The following SLC30A8 variants were observed in gnomAD, a reference collection of about 807,000 sequenced individuals.
SLC30A8 encodes the protein proton-coupled zinc antiporter SLC30A8.
SLC30A8 carries 27 observed loss-of-function variants against 36.9 expected under a neutral mutation model. That is an observed-to-expected ratio of 0.73 (90% CI 0.54 to 1.01). The LOEUF is 1.01. Ranked by LOEUF, SLC30A8 falls within the 50% of genes least tolerant of loss-of-function variation. The pLI, the probability that SLC30A8 is intolerant of heterozygous loss-of-function variation, is 0.00. For missense variants in SLC30A8, 439 were observed against 452.0 expected, an observed-to-expected ratio of 0.97 and a Z score of 0.26; for synonymous variants, 164 against 172.4, an observed-to-expected ratio of 0.95 and a Z score of 0.38.
intron 2 of SLC30A8, among the ~76,000 whole-genome samples, chr8:117,054,894 A>G (rs1416328174): frequency 1.3e-5 from 2 of 152,006 alleles, no homozygotes; most frequent in South Asian, 2.1e-4. Flanking sequence ...TTTAAACTTA[A>G]CTCTCTGATT....
At chr8:117,016,248 A>T (rs917552882) in intron 1 of SLC30A8, among the ~76,000 whole-genome samples, 1 of 152,240 alleles carries the variant, frequency 6.6e-6, no homozygotes, top group African/African-American at 2.4e-5. Context: ...TTGCGCACAG[A>T]AAATGCTCAG....
chr8:117,103,749 G>T (rs909735123), intron 2 of SLC30A8, among the ~76,000 whole-genome samples: 1 of 152,122 alleles, frequency 6.6e-6, no homozygotes, highest in African/African-American at 2.4e-5. Context: ...AATTATAAGT[G>T]TGAGCCACTG....
intron 1 of SLC30A8, among the ~76,000 whole-genome samples, chr8:116,963,980 G>A (rs956618921): frequency 7.2e-5 from 11 of 152,136 alleles, no homozygotes; most frequent in Non-Finnish European, 1.0e-4. Context: ...TTTGTGAAAC[G>A]TTAAAGGCCT....
intron 1 of SLC30A8, among the ~76,000 whole-genome samples, chr8:116,969,427 C>T (rs1814714172): frequency 6.6e-6 from 1 of 152,104 alleles, no homozygotes; most frequent in African/African-American, 2.4e-5. Context: ...CTGGTTTACC[C>T]ATCTGGAAAA....
At chr8:117,039,261 A>G (rs1192573906) in intron 2 of SLC30A8, 1 of 152,216 alleles carries the variant, frequency 6.6e-6, no homozygotes, top group Non-Finnish European at 1.5e-5. Flanking sequence ...GTACCTAGGT[A>G]TATCTATATT....
chr8:117,065,315 T>C (rs2130790877), intron 2 of SLC30A8, among the ~76,000 whole-genome samples: 1 of 152,286 alleles, frequency 6.6e-6, no homozygotes, highest in Admixed American at 6.5e-5. Flanking sequence ...ATAGAAAAAT[T>C]GGTGAAATGA....
chr8:116,979,854 G>A (rs1304140157), intron 1 of SLC30A8, among the ~76,000 whole-genome samples: 1 of 152,112 alleles, frequency 6.6e-6, no homozygotes, highest in Non-Finnish European at 1.5e-5. Flanking sequence ...CCAACAAATA[G>A]CATTCTCTTG....
At chr8:117,071,222 T>C (rs1333164410) in intron 2 of SLC30A8, among the ~76,000 whole-genome samples, 1 of 152,128 alleles carries the variant, frequency 6.6e-6, no homozygotes, top group Non-Finnish European at 1.5e-5. Flanking sequence ...TCCATTTTTT[T>C]GTTGTTGTTG....
chr8:117,064,689 C>T (rs554319876), intron 2 of SLC30A8, among the ~76,000 whole-genome samples: 107 of 152,246 alleles, frequency 7.0e-4, no homozygotes, highest in African/African-American at 2.5e-3. Flanking sequence ...GATCAGGGGA[C>T]CCAGAGGAGA....
At chr8:116,959,628 T>C (rs1814347447) in intron 1 of SLC30A8, among the ~76,000 whole-genome samples, 1 of 152,232 alleles carries the variant, frequency 6.6e-6, no homozygotes, top group East Asian at 1.9e-4. Flanking sequence ...CCTTTCAGTT[T>C]CTGCTTTTCA....
At chr8:117,046,603 T>C (rs767134926) in intron 2 of SLC30A8, among the ~76,000 whole-genome samples, 1 of 152,212 alleles carries the variant, frequency 6.6e-6, no homozygotes, top group Non-Finnish European at 1.5e-5. Flanking sequence ...CAGACCTCTT[T>C]TGTTCAACCC....
At chr8:116,968,924 A>T (rs1814690151) in intron 1 of SLC30A8, among the ~76,000 whole-genome samples, 1 of 151,816 alleles carries the variant, frequency 6.6e-6, no homozygotes, top group Non-Finnish European at 1.5e-5. Flanking sequence ...TTTAGTGGAG[A>T]GGGGGTTTCG....
At chr8:117,025,538 G>A (rs1367218912) in intron 1 of SLC30A8, among the ~76,000 whole-genome samples, 2 of 152,160 alleles carry the variant, frequency 1.3e-5, no homozygotes, top group African/African-American at 4.8e-5. Flanking sequence ...TAGTGAGTTA[G>A]GGACAATGAC....
intron 1 of SLC30A8, among the ~76,000 whole-genome samples, chr8:116,955,271 G>T (rs1266789412): frequency 6.6e-6 from 1 of 152,196 alleles, no homozygotes; most frequent in African/African-American, 2.4e-5. Flanking sequence ...TTTTGGGCTA[G>T]TGTGGGCCCT....
chr8:117,049,494 G>T (rs771410371), intron 2 of SLC30A8, among the ~76,000 whole-genome samples: 1 of 152,178 alleles, frequency 6.6e-6, no homozygotes, highest in East Asian at 1.9e-4. Flanking sequence ...AATCCAAGGA[G>T]GTCCCAGCTG....
At chr8:117,101,425 G>A (rs190127572) in intron 2 of SLC30A8, among the ~76,000 whole-genome samples, 71 of 152,216 alleles carry the variant, frequency 4.7e-4, no homozygotes, top group African/African-American at 1.4e-3. Flanking sequence ...TAACTCAGTT[G>A]GCTCAGATGT....
At chr8:117,039,924 T>G (rs1327254417) in intron 2 of SLC30A8, among the ~76,000 whole-genome samples, 1 of 152,238 alleles carries the variant, frequency 6.6e-6, no homozygotes, top group Non-Finnish European at 1.5e-5. Flanking sequence ...ATAAATTATC[T>G]TCTCCTCCCC....
chr8:117,164,692 A>G (rs1390423478), intron 6 of SLC30A8, among the ~76,000 whole-genome samples: 1 of 152,226 alleles, frequency 6.6e-6, no homozygotes, highest in Non-Finnish European at 1.5e-5. Context: ...GCTACAAAGA[A>G]GAGGTGTGGG....
chr8:117,085,619 T>G (rs191456360), intron 2 of SLC30A8, among the ~76,000 whole-genome samples: 3 of 152,200 alleles, frequency 2.0e-5, no homozygotes, highest in African/African-American at 7.2e-5. Flanking sequence ...ATAATAACTT[T>G]CCCTTACTAT....
Sources: gnomAD v4.1 joint callset for allele counts (sites outside exome capture counted in the v4.1 genomes callset) on GRCh38, gnomAD v4.1.1 for gene constraint, MANE v1.5 for transcripts, NCBI Gene and HGNC (gene_info 2026-07-23, HGNC 2026-07-21) for gene names.